AGBL3: variants seen among roughly 807,000 people sequenced by gnomAD.
AGBL3 encodes cytosolic carboxypeptidase 3.
Under a neutral mutation model 94.5 loss-of-function variants are expected in AGBL3, and 68 were observed. The observed-to-expected ratio is 0.72, with a 90% CI of 0.59 to 0.88. The LOEUF is 0.88. Ranked by LOEUF, AGBL3 falls within the 40% of genes least tolerant of loss-of-function variation. The probability of loss-of-function intolerance (pLI) is 0.00; values close to 1 mark genes in which losing one functional copy is unlikely to be tolerated. For synonymous variants in AGBL3, 354 were observed against 370.7 expected (o/e 0.95, Z 0.52); for missense variants, 934 against 1,103.8 (o/e 0.85, Z 2.18).
At chr7:135,043,881 C>T in intron 8 of AGBL3, 144 bp from the exon 9 acceptor site, 1 of 953,554 alleles carries the variant, frequency 1.0e-6, no homozygotes, top group African/African-American at 1.7e-5. Context: ...GATATTTCCA[C>T]AGGTCAGGAA....
intron 12 of AGBL3, among the ~76,000 whole-genome samples, chr7:135,069,121 C>A (rs1030602607): frequency 1.3e-5 from 2 of 152,040 alleles, no homozygotes; most frequent in Non-Finnish European, 2.9e-5. Flanking sequence ...AGATCAAAGG[C>A]GACAAAGAAG....
At position 135,026,253 on chromosome 7, in the gene AGBL3, T is replaced by TTTTATTTTATTTTA. The variant is rs1554497738; in HGVS notation, c.419-6587_419-6574dup. 1.4e-4 allele frequency among the ~76,000 whole-genome samples: 20 copies of TTTTATTTTATTTTA among 138,694 alleles called. 1 individual carries two copies. The highest frequency in any genetic ancestry group is 3.2e-4 in the African/African-American group (12 of 37,282). 91.0% of individuals were successfully genotyped at this position (138,694 alleles called of 152,430 possible). A position where few individuals can be genotyped will look rare whatever the true frequency, so the allele number is the denominator to read the frequency against. On this transcript the variant is annotated intron_variant, in intron 5 of 16. Transcript: ENST00000436302. ...AATAGAAATGAATACCATTATTTTATTTTATTTTATTTTATTTTATTTTAT... is the reference window on the plus strand; with the variant it reads ...AATAGAAATGAATACCATTATTTTATTTTATTTTATTTTATTTATTTTATTTTATTTTATTTTAT...
intron 16 of AGBL3, among the ~76,000 whole-genome samples, chr7:135,116,165 C>T (rs2348277): frequency 0.93 from 141,386 of 152,274 alleles, 66,465 homozygotes; most frequent in Non-Finnish European, 1. Context: ...TGCTACACAC[C>T]GTTCTAAGTT....
intron 4 of AGBL3, among the ~76,000 whole-genome samples, chr7:135,014,798 T>G (rs1347450212): frequency 5.3e-5 from 8 of 152,170 alleles, no homozygotes. Context: ...GATTTGGTGC[T>G]CACATGACAT....
chr7:135,128,137 C>T (rs562843305), intron 16 of AGBL3, among the ~76,000 whole-genome samples: 1 of 151,338 alleles, frequency 6.6e-6, no homozygotes, highest in East Asian at 1.9e-4. Context: ...ACTAAAAATA[C>T]AAAAATTAGC....
At chr7:135,109,242 G>T (rs1023809466) in intron 15 of AGBL3, among the ~76,000 whole-genome samples, 1 of 152,192 alleles carries the variant, frequency 6.6e-6, no homozygotes, top group East Asian at 1.9e-4. Context: ...TCATTTGAAG[G>T]ACATAAGACA....
At chr7:135,026,729 ATATTT>A (rs1711636729) in intron 5 of AGBL3, among the ~76,000 whole-genome samples, 1 of 151,790 alleles carries the variant, frequency 6.6e-6, no homozygotes, top group Admixed American at 6.6e-5. Flanking sequence ...TTATGAAATT[ATATTT>A]TAATTCTATC....
chr7:135,008,417 A>G (rs1812677060), intron 4 of AGBL3, among the ~76,000 whole-genome samples: 1 of 152,142 alleles, frequency 6.6e-6, no homozygotes. Context: ...CACCCAGACA[A>G]CTGGATAGAT....
At chr7:135,122,600 G>A (rs897091076) in intron 16 of AGBL3, among the ~76,000 whole-genome samples, 2 of 152,160 alleles carry the variant, frequency 1.3e-5, no homozygotes, top group East Asian at 1.9e-4. Context: ...TCCAACAGGG[G>A]TTGTCAGATA....
chr7:135,043,775 A>T (rs987447390), intron 8 of AGBL3, among the ~76,000 whole-genome samples: 1 of 149,776 alleles, frequency 6.7e-6, no homozygotes, highest in African/African-American at 2.4e-5. Flanking sequence ...TGTTACATAA[A>T]GATATATACA....
intron 12 of AGBL3, among the ~76,000 whole-genome samples, chr7:135,070,616 G>A (rs985132013): frequency 6.6e-6 from 1 of 152,056 alleles, no homozygotes; most frequent in African/African-American, 2.4e-5. Context: ...CAGAACCAAC[G>A]ACAAAAACCA....
intron 15 of AGBL3, among the ~76,000 whole-genome samples, chr7:135,084,134 C>T (rs978180438): frequency 6.6e-6 from 1 of 151,940 alleles, no homozygotes; most frequent in Non-Finnish European, 1.5e-5. Flanking sequence ...TTGTACCAAA[C>T]CTGTTTCATC....
At chr7:134,995,902 C>T (rs890929325) in intron 4 of AGBL3, among the ~76,000 whole-genome samples, 1 of 152,172 alleles carries the variant, frequency 6.6e-6, no homozygotes, top group Non-Finnish European at 1.5e-5. Context: ...CAATACAATA[C>T]ATCCTTGTGT....
At chr7:135,068,064 A>G (rs1178562977) in intron 12 of AGBL3, among the ~76,000 whole-genome samples, 1 of 152,244 alleles carries the variant, frequency 6.6e-6, no homozygotes, top group Non-Finnish European at 1.5e-5. Context: ...GCTGAAAACC[A>G]TGGCACAAGA....
chr7:135,123,353 T>C (rs527501295), intron 16 of AGBL3, among the ~76,000 whole-genome samples: 4 of 151,930 alleles, frequency 2.6e-5, no homozygotes, highest in South Asian at 2.1e-4. Flanking sequence ...GAAAAAAGAA[T>C]AAAAAGGAAT....
chr7:135,027,184 G>A (rs1815239534), intron 5 of AGBL3, among the ~76,000 whole-genome samples: 1 of 151,392 alleles, frequency 6.6e-6, no homozygotes, highest in Non-Finnish European at 1.5e-5. Flanking sequence ...GAGAAGCTGG[G>A]ACTAGGGTGC....
intron 5 of AGBL3, among the ~76,000 whole-genome samples, chr7:135,025,787 C>T (rs967372825): frequency 1.3e-5 from 2 of 151,516 alleles, no homozygotes; most frequent in East Asian, 2.0e-4. Flanking sequence ...CCAGGAATCA[C>T]GATTCTTATA....
At chr7:135,118,244 T>C (rs537333709) in intron 16 of AGBL3, among the ~76,000 whole-genome samples, 1 of 152,360 alleles carries the variant, frequency 6.6e-6, no homozygotes, top group South Asian at 2.1e-4. Context: ...TATTTGTCTG[T>C]ACCTTCATGC....
chr7:135,018,765 A>G (rs1211761807), intron 5 of AGBL3, among the ~76,000 whole-genome samples: 1 of 152,238 alleles, frequency 6.6e-6, no homozygotes, highest in Non-Finnish European at 1.5e-5. Flanking sequence ...AAATGTTCAT[A>G]TAAAGTTAAA....
Sources: allele counts gnomAD v4.1 joint callset (sites outside exome capture counted in the v4.1 genomes callset), GRCh38; gene constraint gnomAD v4.1.1; transcripts MANE v1.5; gene names NCBI Gene and HGNC (gene_info 2026-07-23, HGNC 2026-07-21).